Variants in PSMA1 observed in about 807,000 individuals in gnomAD.
The protein encoded by PSMA1 is proteasome 20S subunit alpha 1.
Under a neutral mutation model 38.4 loss-of-function variants are expected in PSMA1, and 3 were observed. That is an observed-to-expected ratio of 0.08 (90% CI 0.04 to 0.20). The LOEUF is 0.20. Among genes scored for constraint, PSMA1 ranks in the 10% least tolerant of loss-of-function variants. PSMA1 has a pLI of 1.00. For missense variants in PSMA1, 227 were observed against 325.3 expected, an observed-to-expected ratio of 0.70 and a Z score of 2.32; for synonymous variants, 101 against 107.1, an observed-to-expected ratio of 0.94 and a Z score of 0.35.
At chr11:14,539,951 T>A (rs1388595317) in intron 2 of PSMA1, among the ~76,000 whole-genome samples, 1 of 151,988 alleles carries the variant, frequency 6.6e-6, no homozygotes, top group Non-Finnish European at 1.5e-5. Flanking sequence ...AACATATAAA[T>A]GAGAGAATAA....
chr11:14,558,511 T>C (rs1342827791), intron 2 of PSMA1, among the ~76,000 whole-genome samples: 2 of 152,214 alleles, frequency 1.3e-5, no homozygotes, highest in African/African-American at 2.4e-5. Flanking sequence ...TTTGAGATAA[T>C]GTGCTAAAGA....
chr11:14,547,366 A>G (rs1009054526), intron 2 of PSMA1, among the ~76,000 whole-genome samples: 2 of 152,170 alleles, frequency 1.3e-5, no homozygotes, highest in African/African-American at 4.8e-5. Context: ...GGAATTTTGT[A>G]TTTCTTTTCG....
chr11:14,528,853 T>C (rs1003289567), intron 2 of PSMA1, among the ~76,000 whole-genome samples: 6 of 152,168 alleles, frequency 3.9e-5, no homozygotes, highest in Admixed American at 3.3e-4. Context: ...CCCTTGAGAA[T>C]GTACTTTGTG....
intron 9 of PSMA1, 88 bp from the exon 10 acceptor site, chr11:14,505,336 T>C (rs1554966270): frequency 8.5e-7 from 1 of 1,173,554 alleles, no homozygotes; most frequent in Middle Eastern, 2.0e-4. Flanking sequence ...TTATTAAAAA[T>C]TGAGAAAAAG....
intron 2 of PSMA1, among the ~76,000 whole-genome samples, chr11:14,578,892 A>C (rs1343552465): frequency 6.6e-6 from 1 of 152,366 alleles, no homozygotes; most frequent in African/African-American, 2.4e-5. Context: ...CCTATTCTCA[A>C]ATAGATACTT....
intron 2 of PSMA1, among the ~76,000 whole-genome samples, chr11:14,545,450 C>T (rs1851815573): frequency 6.6e-6 from 1 of 152,234 alleles, no homozygotes; most frequent in Admixed American, 6.5e-5. Context: ...GCTATTTATC[C>T]TGATGCTCTC....
At chr11:14,516,227 T>C (rs1589979674) in intron 4 of PSMA1, among the ~76,000 whole-genome samples, 1 of 149,276 alleles carries the variant, frequency 6.7e-6, no homozygotes, top group African/African-American at 2.5e-5. Flanking sequence ...AAAAAAAGAA[T>C]AGGGTCTCAC....
chr11:14,549,940 A>G (rs1851868441), intron 2 of PSMA1, among the ~76,000 whole-genome samples: 1 of 152,188 alleles, frequency 6.6e-6, no homozygotes, highest in Non-Finnish European at 1.5e-5. Context: ...CAGCAAAACG[A>G]AAGATGTTAA....
rs564522894 is a variant in PSMA1 at position 14,593,014 on chromosome 11, A to C, written c.21+17952T>G. On this transcript the variant is annotated intron_variant, in intron 2 of 10. Coordinates refer to the PSMA1 transcript ENST00000418988. ...GTCTTCCTCCTCCCTCCTCCATTAG[A>C]ATGTAGGCTCCTTGAGACCTGGGCC... Among the ~76,000 whole-genome samples, 215 of 152,148 alleles carry C rather than the reference A, an allele frequency of 1.4e-3. 1 individual carries two copies. The highest frequency in any genetic ancestry group is 2.6e-3 in the Non-Finnish European group (180 of 68,012).
chr11:14,597,142 T>C (rs532943717), intron 2 of PSMA1, among the ~76,000 whole-genome samples: 1 of 152,302 alleles, frequency 6.6e-6, no homozygotes, highest in South Asian at 2.1e-4. Flanking sequence ...CTGGATTCGG[T>C]TTGCCAGTAT....
At chr11:14,604,276 G>C (rs1852617266) in intron 2 of PSMA1, among the ~76,000 whole-genome samples, 1 of 152,070 alleles carries the variant, frequency 6.6e-6, no homozygotes, top group South Asian at 2.1e-4. Context: ...TGCCCAGGCT[G>C]GTCTTGAACC....
At chr11:14,528,048 C>T (rs1048119012) in intron 2 of PSMA1, among the ~76,000 whole-genome samples, 1 of 151,934 alleles carries the variant, frequency 6.6e-6, no homozygotes, top group African/African-American at 2.4e-5. Context: ...CAAACAATTG[C>T]TGGCTTTGCA....
chr11:14,524,380 A>G (rs1421190981), upstream of PSMA1, among the ~76,000 whole-genome samples: 1 of 152,162 alleles, frequency 6.6e-6, no homozygotes, highest in Non-Finnish European at 1.5e-5. Flanking sequence ...TAACTGACGA[A>G]GTTCCACCAT....
intron 2 of PSMA1, among the ~76,000 whole-genome samples, chr11:14,562,451 T>G (rs575458204): frequency 6.6e-6 from 1 of 152,214 alleles, no homozygotes. Context: ...CCCAGACATC[T>G]TTCCTAACAT....
intron 2 of PSMA1, among the ~76,000 whole-genome samples, chr11:14,581,430 T>C (rs190928737): frequency 5.1e-4 from 78 of 152,306 alleles, no homozygotes; most frequent in African/African-American, 1.8e-3. Context: ...ATTTCCTCTT[T>C]AGTAAAATGG....
chr11:14,563,585 A>G (rs1022932154), intron 2 of PSMA1, among the ~76,000 whole-genome samples: 1 of 152,232 alleles, frequency 6.6e-6, no homozygotes, highest in Non-Finnish European at 1.5e-5. Flanking sequence ...CAGGTTTTCA[A>G]GCAATGGATT....
At chr11:14,540,991 T>C (rs1292843836) in intron 2 of PSMA1, among the ~76,000 whole-genome samples, 1 of 152,032 alleles carries the variant, frequency 6.6e-6, no homozygotes, top group Non-Finnish European at 1.5e-5. Flanking sequence ...CTAATGTAAA[T>C]GACGAGTTAA....
intron 1 of PSMA1, among the ~76,000 whole-genome samples, chr11:14,638,539 CTCTCTCTATA>C (rs1206999169): frequency 2.6e-4 from 5 of 19,204 alleles, no homozygotes; most frequent in Non-Finnish European, 3.9e-4. Context: ...CTCTCTCTCT[CTCTCTCTATA>C]TATATATATA....
intron 1 of PSMA1, among the ~76,000 whole-genome samples, chr11:14,633,401 G>A (rs1358022944): frequency 6.6e-6 from 1 of 151,846 alleles, no homozygotes; most frequent in African/African-American, 2.4e-5. Flanking sequence ...CCTGCCGTGT[G>A]AGGTGTCAGT....
Sources: allele counts gnomAD v4.1 joint callset (sites outside exome capture counted in the v4.1 genomes callset), GRCh38; gene constraint gnomAD v4.1.1; transcripts MANE v1.5; gene names NCBI Gene and HGNC (gene_info 2026-07-23, HGNC 2026-07-21).